Variants in ADGRL3 observed in about 807,000 individuals in gnomAD.
ADGRL3 encodes adhesion G protein-coupled receptor L3, also known as calcium-independent alpha-latrotoxin receptor 3.
ADGRL3 carries 62 observed loss-of-function variants against 153.5 expected under a neutral mutation model. The ratio of observed to expected loss-of-function variants is 0.40; its 90% confidence interval spans 0.33 to 0.50. The LOEUF (loss-of-function observed/expected upper bound fraction) is 0.50. Ranked by LOEUF, ADGRL3 falls within the 20% of genes least tolerant of loss-of-function variation. The pLI is 0.47. For missense variants in ADGRL3, 1,641 were observed against 1,859.4 expected, an observed-to-expected ratio of 0.88 and a Z score of 2.16; for synonymous variants, 710 against 672.5, an observed-to-expected ratio of 1.06 and a Z score of -0.86.
At chr4:61,462,473 A>G (rs1172479058) in intron 2 of ADGRL3, among the ~76,000 whole-genome samples, 1 of 152,106 alleles carries the variant, frequency 6.6e-6, no homozygotes, top group African/African-American at 2.4e-5. Context: ...ATAGCTCCAG[A>G]ATAGGAGAGA....
At chr4:61,212,903 C>T (rs760221955) in intron 1 of ADGRL3, among the ~76,000 whole-genome samples, 2 of 151,866 alleles carry the variant, frequency 1.3e-5, no homozygotes, top group Non-Finnish European at 2.9e-5. Context: ...TTTTCTGGTG[C>T]GTTTGATTAA....
intron 5 of ADGRL3, among the ~76,000 whole-genome samples, chr4:61,622,672 T>G (rs896952495): frequency 6.6e-6 from 1 of 152,192 alleles, no homozygotes; most frequent in African/African-American, 2.4e-5. Flanking sequence ...TTATGTGGAT[T>G]ATCTCATTTA....
At chr4:61,866,308 C>G (rs148906618) in intron 9 of ADGRL3, among the ~76,000 whole-genome samples, 1 of 152,192 alleles carries the variant, frequency 6.6e-6, no homozygotes, top group African/African-American at 2.4e-5. Flanking sequence ...AACCTCTGTT[C>G]TGAGTATGGC....
chr4:61,264,683 GC>G (rs1296352501), intron 1 of ADGRL3, among the ~76,000 whole-genome samples: 1 of 151,862 alleles, frequency 6.6e-6, no homozygotes, highest in East Asian at 1.9e-4. Context: ...TATCAAACGT[GC>G]CCTTTACTAA....
chr4:61,967,033 A>G (rs1222335214), intron 17 of ADGRL3, among the ~76,000 whole-genome samples: 2 of 152,152 alleles, frequency 1.3e-5, no homozygotes, highest in African/African-American at 4.8e-5. Context: ...AAGACCAAAA[A>G]TATGCTTAGT....
chr4:61,311,394 T>C (rs1472500756), intron 1 of ADGRL3, among the ~76,000 whole-genome samples: 1 of 152,192 alleles, frequency 6.6e-6, no homozygotes, highest in East Asian at 1.9e-4. Flanking sequence ...TCACATTTTA[T>C]AAGCCAAAAC....
intron 21 of ADGRL3, among the ~76,000 whole-genome samples, chr4:62,011,469 C>T (rs2099186252): frequency 6.6e-6 from 1 of 151,830 alleles, no homozygotes; most frequent in Admixed American, 6.6e-5. Context: ...ATGTTCCTTT[C>T]CTCTCGGTAT....
intron 8 of ADGRL3, among the ~76,000 whole-genome samples, chr4:61,736,061 A>G (rs182559407): frequency 1.9e-3 from 289 of 152,222 alleles, no homozygotes; most frequent in African/African-American, 6.4e-3. Flanking sequence ...TTTGTACTAT[A>G]CATATATGTA....
At chr4:61,505,580 G>T (rs2098422662) in intron 3 of ADGRL3, among the ~76,000 whole-genome samples, 1 of 151,750 alleles carries the variant, frequency 6.6e-6, no homozygotes, top group Non-Finnish European at 1.5e-5. Context: ...TTCTATTTTT[G>T]GTCGAGTCTG....
At chr4:61,248,136 T>C (rs1016449821) in intron 1 of ADGRL3, among the ~76,000 whole-genome samples, 1 of 152,108 alleles carries the variant, frequency 6.6e-6, no homozygotes, top group African/African-American at 2.4e-5. Context: ...ATTGAAACCT[T>C]CTCATTTGCT....
At chr4:61,914,725 A>G (rs1226688018) in intron 13 of ADGRL3, among the ~76,000 whole-genome samples, 2 of 152,088 alleles carry the variant, frequency 1.3e-5, no homozygotes, top group Non-Finnish European at 2.9e-5. Context: ...GTAGTATAGA[A>G]TTGAGAATTG....
At chr4:61,698,919 A>G (rs900937810) in intron 6 of ADGRL3, among the ~76,000 whole-genome samples, 1 of 152,230 alleles carries the variant, frequency 6.6e-6, no homozygotes. Context: ...GACTTAAATT[A>G]GTTTATCTTG....
intron 1 of ADGRL3, among the ~76,000 whole-genome samples, chr4:61,278,851 A>C (rs1435941683): frequency 6.6e-6 from 1 of 152,204 alleles, no homozygotes; most frequent in Non-Finnish European, 1.5e-5. Context: ...GTAGTAAGAA[A>C]TGGTTTTGAG....
chr4:61,357,124 C>G (rs1049338174), intron 1 of ADGRL3, among the ~76,000 whole-genome samples: 1 of 151,912 alleles, frequency 6.6e-6, no homozygotes, highest in Non-Finnish European at 1.5e-5. Flanking sequence ...TTTTTAATAT[C>G]TATCTGGGGA....
intron 6 of ADGRL3, among the ~76,000 whole-genome samples, chr4:61,685,548 A>G (rs544881870): frequency 6.6e-6 from 1 of 152,252 alleles, no homozygotes; most frequent in African/African-American, 2.4e-5. Context: ...AGAACGAGAT[A>G]GGCCAAGAGT....
intron 21 of ADGRL3, among the ~76,000 whole-genome samples, chr4:62,011,221 C>A (rs2099184869): frequency 6.6e-6 from 1 of 152,036 alleles, no homozygotes; most frequent in Non-Finnish European, 1.5e-5. Flanking sequence ...AAGATAAATG[C>A]ATACAAATTT....
chr4:61,252,979 A>T (rs1202780168), intron 1 of ADGRL3, among the ~76,000 whole-genome samples: 1 of 152,138 alleles, frequency 6.6e-6, no homozygotes, highest in African/African-American at 2.4e-5. Context: ...CACTGAGGTT[A>T]AGGTGTGTCA....
intron 6 of ADGRL3, among the ~76,000 whole-genome samples, chr4:61,709,923 G>T (rs2095935465): frequency 6.6e-6 from 1 of 152,110 alleles, no homozygotes; most frequent in Non-Finnish European, 1.5e-5. Context: ...GGGCTTGTGG[G>T]TCTCATTGAC....
chr4:61,933,091 A>C (rs1049344171), intron 13 of ADGRL3, among the ~76,000 whole-genome samples: 2 of 152,032 alleles, frequency 1.3e-5, no homozygotes, highest in East Asian at 3.9e-4. Flanking sequence ...TTAACTAACT[A>C]TTAAGATTAT....
Sources: allele counts gnomAD v4.1 joint callset (sites outside exome capture counted in the v4.1 genomes callset), GRCh38; gene constraint gnomAD v4.1.1; transcripts MANE v1.5; gene names NCBI Gene and HGNC (gene_info 2026-07-23, HGNC 2026-07-21).